The following CNDP1 variants were observed in gnomAD, a reference collection of about 807,000 sequenced individuals.
CNDP1 encodes carnosine dipeptidase 1.
A neutral mutation model predicts 58.1 loss-of-function variants in CNDP1; 44 were observed. The observed-to-expected ratio is 0.76, with a 90% confidence interval of 0.60 to 0.97. The LOEUF (loss-of-function observed/expected upper bound fraction) is 0.97. Among genes scored for constraint, CNDP1 ranks in the 50% least tolerant of loss-of-function variants. The pLI is 0.00. For synonymous variants in CNDP1, 254 were observed against 252.6 expected (o/e 1.01, Z -0.05); for missense variants, 616 against 655.1 (o/e 0.94, Z 0.65).
rs760042831 is a variant in CNDP1, at chr18:74,576,865, G to T, written c.842-4G>T. On this transcript the variant is annotated splice_region_variant and splice_polypyrimidine_tract_variant and intron_variant, in intron 7 of 11. Coordinates refer to ENST00000358821, the MANE Select transcript of CNDP1 (RefSeq NM_032649.6). ...TGGCTTTGTTTTCTGTGTGTGTTTT[G>T]TAGGTAGCCTGGTAGACTCGTCTGG... 6.2e-7 allele frequency: 1 copy of T among 1,604,016 alleles called. No individual in the cohort carries two copies.
intron 1 of CNDP1, among the ~76,000 whole-genome samples, chr18:74,543,600 A>G (rs939349179): frequency 3.9e-5 from 6 of 152,252 alleles, no homozygotes; most frequent in African/African-American, 1.4e-4. Context: ...CTAGTTATTG[A>G]AATAACTGAA....
At position 74,537,992 on chromosome 18, in the gene CNDP1, T is replaced by TTTTTG. The variant is rs761305122; in HGVS notation, c.24+3316_24+3320dup. 9.9e-5 allele frequency among the ~76,000 whole-genome samples: 15 copies of TTTTTG among 152,210 alleles called. 1 individual carries two copies. In the East Asian group the frequency reaches 1.5e-3, roughly 16 times the overall value. ...TTTTTCACTAAATCCCATACTCAGG[T>TTTTTG]TTTTGTTTTGTTTTGTTTTCTCTCA... On this transcript the variant is annotated intron_variant, in intron 1 of 11. Coordinates refer to ENST00000358821, the MANE Select transcript of CNDP1 (RefSeq NM_032649.6).
chr18:74,556,549 G>T, intron 2 of CNDP1, 83 bp downstream of exon 2: 1 of 1,550,094 alleles, frequency 6.5e-7, no homozygotes, highest in South Asian at 1.1e-5. Flanking sequence ...TATTTGCTTG[G>T]AGATGTGGAT....
rs558218388 is a variant in CNDP1 at position 74,575,736 on chromosome 18, T to C, written c.842-1133T>C. 3.9e-5 allele frequency among the ~76,000 whole-genome samples: 6 copies of C among 152,178 alleles called. No individual in the cohort carries two copies. The South Asian group carries it at 8.3e-4, about 21-fold the overall frequency. Reference sequence around the variant, plus strand: ...TATTATAATATACTCTGTGTGTGTGTGCGTGTGTGCGCGTGTGTGAAGGGG... The same window carrying C: ...TATTATAATATACTCTGTGTGTGTGCGCGTGTGTGCGCGTGTGTGAAGGGG... On this transcript the variant is annotated intron_variant, in intron 7 of 11. Coordinates refer to ENST00000358821, the MANE Select transcript of CNDP1 (RefSeq NM_032649.6).
chr18:74,551,361 AAC>A (rs74178982), intron 1 of CNDP1, among the ~76,000 whole-genome samples: 2,214 of 148,054 alleles, frequency 0.015, 34 homozygotes, highest in African/African-American at 0.043. Flanking sequence ...GCACAACTGT[AAC>A]ACACACACAC....
intron 1 of CNDP1, among the ~76,000 whole-genome samples, chr18:74,540,569 C>A (rs895704142): frequency 6.6e-6 from 1 of 152,186 alleles, no homozygotes; most frequent in Non-Finnish European, 1.5e-5. Context: ...TCTTGGGGAA[C>A]CTCAGTGAGG....
intron 1 of CNDP1, among the ~76,000 whole-genome samples, chr18:74,541,348 T>C (rs1980620270): frequency 6.6e-6 from 1 of 152,204 alleles, no homozygotes; most frequent in Admixed American, 6.5e-5. Flanking sequence ...CAGCAGGTTG[T>C]CATCTGCGGC....
At chr18:74,537,748 G>A (rs1047977130) in intron 1 of CNDP1, among the ~76,000 whole-genome samples, 4 of 152,176 alleles carry the variant, frequency 2.6e-5, no homozygotes, top group African/African-American at 9.6e-5. Flanking sequence ...CGGGCAAAGA[G>A]TGGTACCTGG....
chr18:74,535,988 C>T (rs1212492115), intron 1 of CNDP1, among the ~76,000 whole-genome samples: 2 of 152,012 alleles, frequency 1.3e-5, no homozygotes, highest in Non-Finnish European at 2.9e-5. Flanking sequence ...GCCATGGTTG[C>T]GCCACTGCAC....
intron 1 of CNDP1, among the ~76,000 whole-genome samples, chr18:74,555,962 G>GT (rs1338943798): frequency 6.6e-6 from 1 of 152,064 alleles, no homozygotes; most frequent in Non-Finnish European, 1.5e-5. Flanking sequence ...AGATTTTTGC[G>GT]TGTTTGTTTT....
chr18:74,542,476 C>T (rs544793555), intron 1 of CNDP1, among the ~76,000 whole-genome samples: 5 of 152,308 alleles, frequency 3.3e-5, no homozygotes, highest in African/African-American at 7.2e-5. Context: ...AGGGACATTA[C>T]GTCCCAGGAA....
At chr18:74,551,911 A>G (rs999919084) in intron 1 of CNDP1, among the ~76,000 whole-genome samples, 19 of 150,858 alleles carry the variant, frequency 1.3e-4, no homozygotes, top group African/African-American at 3.9e-4. Context: ...TCGATTGCGA[A>G]AAAAAAAAAC....
chr18:74,584,364 C>G, intron 11 of CNDP1, 132 bp from the exon 12 acceptor site: 1 of 652,478 alleles, frequency 1.5e-6, no homozygotes, highest in Non-Finnish European at 2.7e-6. Context: ...ATACTGGGAT[C>G]TCAGAAGTAT....
Position 74,545,351 on chromosome 18 carries a change from G to T in CNDP1, c.24+10660G>T, listed in dbSNP as rs528372585. Among the ~76,000 whole-genome samples, 32 of 152,308 alleles carry T rather than the reference G, an allele frequency of 2.1e-4. No homozygotes were observed. The highest frequency in any genetic ancestry group is 7.2e-4 in the African/African-American group (30 of 41,558). On this transcript the variant is annotated intron_variant, in intron 1 of 11. Transcript: ENST00000358821. This position sits in a 1 kb window ranked among gnomAD's most constrained non-coding sequence, Gnocchi z 4.1. ...GGAGTCCACCCCCGCCTTTAACCGGGGACCTTGGTTCACAGGCACCAAGGA... is the reference window on the plus strand; with the variant it reads ...GGAGTCCACCCCCGCCTTTAACCGGTGACCTTGGTTCACAGGCACCAAGGA...
At chr18:74,563,206 T>G (rs1322823664) in intron 5 of CNDP1, among the ~76,000 whole-genome samples, 1 of 152,082 alleles carries the variant, frequency 6.6e-6, no homozygotes, top group Non-Finnish European at 1.5e-5. Context: ...CACTCCTGAG[T>G]CTCACAGAAG....
chr18:74,560,233 C>T (rs908912490), intron 3 of CNDP1, among the ~76,000 whole-genome samples: 3 of 152,120 alleles, frequency 2.0e-5, no homozygotes, highest in Admixed American at 6.5e-5. Context: ...CCAGGCTGGT[C>T]TTCAACTCCT....
rs146449027 is a variant in CNDP1, at chr18:74,578,315, G to A, written c.1155G>A (p.Ala385=). 8.7e-5 allele frequency: 139 copies of A among 1,602,760 alleles called. No homozygotes were observed. Among genetic ancestry groups the A allele is most frequent in the African/African-American group, 6.7e-4 (50 of 74,276 alleles). Residue 385 remains alanine (A), a synonymous_variant, in exon 9 of 12, where the codon GCG becomes GCA. Transcript: ENST00000358821. ...TAGTCCCTCACATGAATGTGTCTGC[G>A]GTGGAAAAACAGGTAACAAATGCTT... The part of the protein sequence containing the change: ...IRLVPHMNVS[A]VEKQVTRHLE...
chr18:74,579,422 C>T (rs888201406), intron 9 of CNDP1, among the ~76,000 whole-genome samples: 1 of 148,580 alleles, frequency 6.7e-6, no homozygotes, highest in African/African-American at 2.5e-5. Flanking sequence ...GAGGTGCTAC[C>T]CCCTTTTCTC....
In CNDP1 at chr18:74,586,124, G is replaced by C. The variant is rs1200670773; in HGVS notation, c.*1562G>C. The stretch of plus-strand genomic sequence containing the variant: ...TACCACCTTTAAAAGGACTGGAGCA[G>C]GCAGGCAGTGATTCAGTTCACCTTG... On this transcript the variant is annotated 3_prime_UTR_variant, in exon 12 of 12. Transcript: ENST00000358821. The C allele has an allele frequency of 6.6e-6, 1 of 152,090 alleles. No homozygotes were observed. The highest frequency in any genetic ancestry group is 1.5e-5 in the Non-Finnish European group (1 of 68,054). The allele number at this position is 152,090 out of a possible 1,614,324, so 9.4% of individuals were successfully genotyped here.
Sources: allele counts gnomAD v4.1 joint callset (sites outside exome capture counted in the v4.1 genomes callset), GRCh38; gene constraint gnomAD v4.1.1; non-coding constraint Gnocchi (gnomAD v3.1); transcripts MANE v1.5; gene names NCBI Gene and HGNC (gene_info 2026-07-23, HGNC 2026-07-21).